The following PDIA5 variants were observed in gnomAD, a reference collection of about 807,000 sequenced individuals.
PDIA5 encodes protein disulfide-isomerase A5.
In PDIA5, 58 loss-of-function variants were observed where a neutral mutation model predicts 77.6. The observed-to-expected ratio is 0.75, with a 90% CI of 0.61 to 0.93. The LOEUF (loss-of-function observed/expected upper bound fraction) is 0.93, where lower values mean the gene tolerates loss of function less well. Among genes scored for constraint, PDIA5 ranks in the 40% least tolerant of loss-of-function variants. The pLI is 0.00. For synonymous variants in PDIA5, 250 were observed against 252.1 expected, an observed-to-expected ratio of 0.99 and a Z score of 0.08; for missense variants, 630 against 647.7, an observed-to-expected ratio of 0.97 and a Z score of 0.30.
chr3:123,155,176 A>G (rs1935993042), intron 15 of PDIA5, 135 bp downstream of exon 15: 1 of 689,778 alleles, frequency 1.4e-6, no homozygotes, highest in Admixed American at 2.1e-5. Flanking sequence ...GGGAACCAGG[A>G]CATTCTCTTT....
intron 1 of PDIA5, among the ~76,000 whole-genome samples, chr3:123,072,618 G>T (rs529426531): frequency 2.0e-5 from 3 of 152,228 alleles, no homozygotes; most frequent in Non-Finnish European, 4.4e-5. Context: ...CCCAGGTAGG[G>T]GGGGTGGTGC....
intron 1 of PDIA5, among the ~76,000 whole-genome samples, chr3:123,068,862 C>A (rs1232509359): frequency 1.3e-5 from 2 of 152,154 alleles, no homozygotes; most frequent in African/African-American, 4.8e-5. Context: ...TAGTATCCTT[C>A]ACTGAACCGG....
intron 10 of PDIA5, among the ~76,000 whole-genome samples, chr3:123,129,210 G>A (rs1303352166): frequency 6.6e-6 from 1 of 152,236 alleles, no homozygotes; most frequent in South Asian, 2.1e-4. Context: ...ATTGCATGAT[G>A]TTTGTCTAGG....
intron 1 of PDIA5, among the ~76,000 whole-genome samples, chr3:123,082,769 G>A (rs946542894): frequency 1.3e-5 from 2 of 152,148 alleles, no homozygotes; most frequent in African/African-American, 4.8e-5. Flanking sequence ...CTCCCCTCAT[G>A]TAGTCCTGAG....
intron 10 of PDIA5, 59 bp downstream of exon 10, chr3:123,124,402 G>A (rs1193103794): frequency 1.6e-6 from 2 of 1,254,014 alleles, no homozygotes; most frequent in Admixed American, 1.7e-5. Context: ...CATCTGCCGG[G>A]CCTGAGGGTC....
chr3:123,144,986 A>G (rs1451358077), intron 11 of PDIA5: 1 of 152,634 alleles, frequency 6.6e-6, no homozygotes, highest in African/African-American at 2.4e-5. Flanking sequence ...TATGTCCCAT[A>G]CTTATGCTTC....
At chr3:123,069,198 T>C (rs1243665321) in intron 1 of PDIA5, among the ~76,000 whole-genome samples, 2 of 152,206 alleles carry the variant, frequency 1.3e-5, no homozygotes, top group East Asian at 3.8e-4. Flanking sequence ...ATCTATCTGA[T>C]AAGTGCTCCC....
intron 2 of PDIA5, among the ~76,000 whole-genome samples, chr3:123,091,606 AT>A (rs368627360): frequency 2.0e-4 from 30 of 152,228 alleles, no homozygotes; most frequent in African/African-American, 5.8e-4. Context: ...GCCCTGACCC[AT>A]CAGGATTGAC....
At chr3:123,125,816 A>G (rs1479867625) in intron 10 of PDIA5, among the ~76,000 whole-genome samples, 1 of 152,184 alleles carries the variant, frequency 6.6e-6, no homozygotes, top group African/African-American at 2.4e-5. Flanking sequence ...CTCTGTCCCC[A>G]TCGGCTACCT....
intron 16 of PDIA5, 31 bp from the exon 17 acceptor site, chr3:123,161,849 T>TTCTCTC: frequency 7.5e-7 from 1 of 1,334,882 alleles, no homozygotes; most frequent in Non-Finnish European, 1.1e-6. Context: ...TTAAAGCTCT[T>TTCTCTC]TCTCTCTCTC....
At chr3:123,132,409 A>G (rs1257671875) in intron 11 of PDIA5, among the ~76,000 whole-genome samples, 3 of 152,230 alleles carry the variant, frequency 2.0e-5, no homozygotes, top group Non-Finnish European at 1.5e-5. Flanking sequence ...ATAGCTCTAA[A>G]GGACTCTAAA....
chr3:123,154,708 A>G (rs1935980615), intron 14 of PDIA5, among the ~76,000 whole-genome samples: 1 of 152,118 alleles, frequency 6.6e-6, no homozygotes, highest in Admixed American at 6.5e-5. Context: ...GCAGAACTAG[A>G]CTACAGTGAC....
chr3:123,146,302 G>A (rs1407420083), intron 13 of PDIA5, 43 bp downstream of exon 13: 1 of 1,568,924 alleles, frequency 6.4e-7, no homozygotes, highest in Non-Finnish European at 8.7e-7. Flanking sequence ...CTGCCAGCTG[G>A]CGGCCCCTGG....
intron 11 of PDIA5, among the ~76,000 whole-genome samples, chr3:123,143,434 G>A (rs1359198168): frequency 2.0e-5 from 3 of 150,256 alleles, no homozygotes; most frequent in African/African-American, 7.4e-5. Flanking sequence ...CTAGAGCCCA[G>A]CATGATGAGT....
intron 11 of PDIA5, 152 bp downstream of exon 11, chr3:123,130,768 C>A: frequency 1.3e-6 from 1 of 790,398 alleles, no homozygotes; most frequent in Non-Finnish European, 2.1e-6. Context: ...CAGGCGAGGT[C>A]CCCACCCTCG....
At chr3:123,105,704 G>T (rs969693749) in intron 5 of PDIA5, among the ~76,000 whole-genome samples, 1 of 150,960 alleles carries the variant, frequency 6.6e-6, no homozygotes, top group Non-Finnish European at 1.5e-5. Flanking sequence ...TATTATAGAA[G>T]GGCACTTCCC....
intron 11 of PDIA5, among the ~76,000 whole-genome samples, chr3:123,135,745 CTTTTTTTTTT>C (rs766560888): frequency 1.2e-5 from 1 of 80,468 alleles, no homozygotes; most frequent in Non-Finnish European, 2.2e-5. Context: ...GAGGTAACAA[CTTTTTTTTTT>C]TTTTTTTTTT....
intron 8 of PDIA5, 63 bp from the exon 9 acceptor site, chr3:123,124,003 G>T: frequency 1.0e-6 from 1 of 991,262 alleles, no homozygotes. Flanking sequence ...GACAGATGGC[G>T]TGTGGACTAG....
At chr3:123,126,229 C>G (rs1935243204) in intron 10 of PDIA5, among the ~76,000 whole-genome samples, 1 of 151,982 alleles carries the variant, frequency 6.6e-6, no homozygotes, top group Admixed American at 6.6e-5. Flanking sequence ...CCTCTCCTCT[C>G]GGCACACCCC....
Sources: allele counts gnomAD v4.1 joint callset (sites outside exome capture counted in the v4.1 genomes callset), GRCh38; gene constraint gnomAD v4.1.1; transcripts MANE v1.5; gene names NCBI Gene and HGNC (gene_info 2026-07-23, HGNC 2026-07-21).